Variants in HOOK3 observed in about 807,000 individuals in gnomAD.
HOOK3 encodes protein Hook homolog 3.
Under a neutral mutation model 116.3 loss-of-function variants are expected in HOOK3, and 24 were observed. The observed-to-expected ratio is 0.21, with a 90% confidence interval of 0.15 to 0.29. HOOK3 has a LOEUF of 0.29. Ranked by LOEUF, HOOK3 falls within the 10% of genes least tolerant of loss-of-function variation. The pLI is 1.00. For missense variants in HOOK3, 632 were observed against 830.2 expected, an observed-to-expected ratio of 0.76 and a Z score of 2.93; for synonymous variants, 275 against 283.0, an observed-to-expected ratio of 0.97 and a Z score of 0.28.
chr8:42,984,306 TGCGGTGAGCC>T (rs1228625720), intron 14 of HOOK3, among the ~76,000 whole-genome samples: 1 of 149,850 alleles, frequency 6.7e-6, no homozygotes, highest in East Asian at 2.0e-4. Flanking sequence ...AGGCAGAGGT[TGCGGTGAGCC>T]GAGATCGCGC....
Position 42,930,180 on chromosome 8 carries a change from C to T in HOOK3, c.267+8C>T, listed in dbSNP as rs780717935. The T allele has an allele frequency of 5.2e-6, 8 of 1,525,200 alleles. No homozygotes were observed. Among genetic ancestry groups the T allele is most frequent in the African/African-American group, 4.2e-5 (3 of 70,992 alleles). 94.5% of individuals were successfully genotyped at this position (1,525,200 alleles called of 1,614,324 possible). A position where few individuals can be genotyped will look rare whatever the true frequency, so the allele number is the denominator to read the frequency against. ...TTGGATTATAATCATGAGGTAAAGA[C>T]TTTTTTCTCATTCTGCTTAGAAGTG... is the stretch of plus-strand genomic sequence containing the variant. On this transcript the variant is annotated splice_region_variant and intron_variant, in intron 4 of 21. Transcript: ENST00000307602.
Position 43,026,003 on chromosome 8 carries a change from T to C in HOOK3, c.*7505T>C, listed in dbSNP as rs1809927248. Reference sequence around the variant, plus strand: ...ATCTACTTAGAGCTTAGAGGAAGAATTAGGTATCATGAGAAAAGCAACTCC... The same window carrying C: ...ATCTACTTAGAGCTTAGAGGAAGAACTAGGTATCATGAGAAAAGCAACTCC... On this transcript the variant is annotated 3_prime_UTR_variant, in exon 22 of 22. Coordinates refer to ENST00000307602, the MANE Select transcript of HOOK3 (RefSeq NM_032410.4). 1 of 210,950 alleles carries C rather than the reference T, an allele frequency of 4.7e-6. No homozygotes were observed. Among genetic ancestry groups the C allele is most frequent in the South Asian group, 1.9e-4 (1 of 5,306 alleles). 13.1% of individuals were successfully genotyped at this position (210,950 alleles called of 1,614,324 possible).
intron 2 of HOOK3, among the ~76,000 whole-genome samples, chr8:42,913,176 A>T (rs1283547220): frequency 6.6e-6 from 1 of 151,972 alleles, no homozygotes; most frequent in Non-Finnish European, 1.5e-5. Context: ...ATACAATTTG[A>T]TAAATTTTGA....
In HOOK3 at chr8:42,974,124, G is replaced by T; in HGVS notation, c.1251G>T (p.Arg417Ser). Reference protein sequence around the residue: ...QKEKDRLRTERDSLKETIEEL... With the variant: ...QKEKDRLRTESDSLKETIEEL... ...CTCTCCAGAGGCTGAGAACAGAAAG[G>T]GATTCTCTGAAGGAAACCATTGAAG... Residue 417 changes from arginine (R) to serine (S), a missense_variant, in exon 13 of 22, where the codon AGG (arginine) becomes AGT (serine). Around this residue, in one of 3 missense-constraint regions of HOOK3, gnomAD observed 483 missense variants for 648.1 expected, o/e 0.75. Transcript: ENST00000307602. The T allele has an allele frequency of 6.2e-7, 1 of 1,613,622 alleles. No individual in the cohort carries two copies. The highest frequency in any genetic ancestry group is 1.1e-5 in the South Asian group (1 of 91,058).
rs1809998629 is a variant in HOOK3, at chr8:43,029,845, G to GCCTTAT, written c.*11348_*11353dup. On this transcript the variant is annotated 3_prime_UTR_variant, in exon 22 of 22. Transcript: ENST00000307602. ...TATTGAGTACAGCCCCAACTCTGAA[G>GCCTTAT]CCTTATATTCATGTCTTAAGTACCA... The GCCTTAT allele has an allele frequency of 9.4e-6, 2 of 213,392 alleles. No individual in the cohort carries two copies. Among genetic ancestry groups the GCCTTAT allele is most frequent in the East Asian group, 1.4e-4 (2 of 14,316 alleles). The allele number at this position is 213,392 out of a possible 1,614,324, so 13.2% of individuals were successfully genotyped here.
At chr8:42,943,735 A>G (rs1388339991) in intron 5 of HOOK3, among the ~76,000 whole-genome samples, 1 of 152,242 alleles carries the variant, frequency 6.6e-6, no homozygotes, top group Admixed American at 6.5e-5. Context: ...ATTTGACAAC[A>G]TCTACCTAAT....
chr8:42,931,097 A>C (rs1467291663), intron 4 of HOOK3, among the ~76,000 whole-genome samples: 1 of 152,212 alleles, frequency 6.6e-6, no homozygotes, highest in East Asian at 1.9e-4. Context: ...CACCTAAGGC[A>C]CTGGAGCCAC....
chr8:42,942,397 A>G (rs1353214523), intron 4 of HOOK3, among the ~76,000 whole-genome samples: 1 of 152,266 alleles, frequency 6.6e-6, no homozygotes, highest in Non-Finnish European at 1.5e-5. Flanking sequence ...GTGAACAGCC[A>G]TGTAACATAG....
chr8:43,019,724 G>A lies in HOOK3; in HGVS notation c.*1226G>A, dbSNP rs1404713292. 4.9e-6 allele frequency: 1 copy of A among 204,530 alleles called. No homozygotes were observed. Among genetic ancestry groups the A allele is most frequent in the East Asian group, 7.6e-5 (1 of 13,108 alleles). The allele number at this position is 204,530 out of a possible 1,614,324, so 12.7% of individuals were successfully genotyped here. On this transcript the variant is annotated 3_prime_UTR_variant, in exon 22 of 22. Coordinates refer to ENST00000307602, the MANE Select transcript of HOOK3 (RefSeq NM_032410.4). ...GTAAAGCACTTTGTATATATAAGGT[G>A]CTATATAAGTGTGAAATATCATTCA...
intron 13 of HOOK3, among the ~76,000 whole-genome samples, chr8:42,981,441 A>G (rs370813946): frequency 5.3e-5 from 8 of 152,346 alleles, no homozygotes; most frequent in African/African-American, 1.9e-4. Context: ...TTGTGTATGT[A>G]TCCTTTGACC....
At chr8:42,932,598 G>T (rs1019647676) in intron 4 of HOOK3, among the ~76,000 whole-genome samples, 4 of 151,164 alleles carry the variant, frequency 2.6e-5, no homozygotes, top group South Asian at 4.2e-4. Context: ...TGACATTTTT[G>T]GGTCCTAGGC....
chr8:42,925,002 C>A (rs765845060), intron 2 of HOOK3, among the ~76,000 whole-genome samples: 4 of 151,520 alleles, frequency 2.6e-5, no homozygotes, highest in Non-Finnish European at 4.4e-5. Context: ...AAAACTATGT[C>A]ATTGATTATG....
intron 5 of HOOK3, chr8:42,949,551 T>A (rs752508801): frequency 6.6e-6 from 1 of 152,208 alleles, no homozygotes; most frequent in Non-Finnish European, 1.5e-5. Flanking sequence ...TGGTATCAAT[T>A]TGTAACTTAA....
intron 11 of HOOK3, among the ~76,000 whole-genome samples, chr8:42,972,047 A>T (rs1303457133): frequency 6.6e-6 from 1 of 152,186 alleles, no homozygotes; most frequent in Non-Finnish European, 1.5e-5. Context: ...TTTGTATCTG[A>T]TAATTCCAAT....
intron 2 of HOOK3, among the ~76,000 whole-genome samples, chr8:42,910,867 C>T (rs1051030100): frequency 3.2e-4 from 49 of 152,148 alleles, no homozygotes; most frequent in African/African-American, 1.1e-3. Context: ...ACAAGTGGTA[C>T]AGAGAAGTAC....
At chr8:42,930,665 ATT>A (rs1290777796) in intron 4 of HOOK3, among the ~76,000 whole-genome samples, 2 of 152,082 alleles carry the variant, frequency 1.3e-5, no homozygotes, top group Non-Finnish European at 2.9e-5. Flanking sequence ...TACCCTAGTT[ATT>A]TCCCTACTGT....
chr8:42,910,519 C>T (rs879423197), intron 2 of HOOK3, among the ~76,000 whole-genome samples: 3 of 152,198 alleles, frequency 2.0e-5, no homozygotes, highest in Admixed American at 6.5e-5. Context: ...CAAAGATAGC[C>T]ATGATTCTGA....
Position 42,973,278 on chromosome 8 carries a change from T to G in HOOK3, c.1123-11T>G. ...AGATTATGTATAAGTAATGGTATCT[T>G]TCTGTATCAGGTAGTAGAACTACAA... On this transcript the variant is annotated splice_polypyrimidine_tract_variant and intron_variant, in intron 11 of 21. Coordinates refer to ENST00000307602, the MANE Select transcript of HOOK3 (RefSeq NM_032410.4). 1 of 1,597,576 alleles carries G rather than the reference T, an allele frequency of 6.3e-7. No individual in the cohort carries two copies.
At chr8:42,919,945 G>C (rs1807624167) in intron 2 of HOOK3, among the ~76,000 whole-genome samples, 1 of 151,048 alleles carries the variant, frequency 6.6e-6, no homozygotes, top group Non-Finnish European at 1.5e-5. Context: ...AAAGGGGAGA[G>C]GGAGAGGGTT....
Sources: gnomAD v4.1 joint callset for allele counts (sites outside exome capture counted in the v4.1 genomes callset) on GRCh38, gnomAD v4.1.1 for gene constraint, gnomAD v4.1.1 regional missense constraint, MANE v1.5 for transcripts, NCBI Gene and HGNC (gene_info 2026-07-23, HGNC 2026-07-21) for gene names.